Variants in DNM1 observed in about 807,000 individuals in gnomAD.
DNM1 encodes the protein dynamin-1.
In DNM1, 29 loss-of-function variants were observed where a neutral mutation model predicts 104.6. The observed-to-expected ratio is 0.28, with a 90% CI of 0.21 to 0.38. DNM1 has a LOEUF of 0.38. Among genes scored for constraint, DNM1 ranks in the 10% least tolerant of loss-of-function variants. The pLI, the probability that DNM1 is intolerant of heterozygous loss-of-function variation, is 1.00. For synonymous variants in DNM1, 445 were observed against 475.8 expected (o/e 0.94, Z 0.84); for missense variants, 640 against 1,189.4 (o/e 0.54, Z 6.79).
intron 15 of DNM1, 94 bp from the exon 16 acceptor site, chr9:128,246,300 A>G: frequency 1.1e-6 from 1 of 882,684 alleles, no homozygotes; most frequent in Non-Finnish European, 1.9e-6. Context: ...GCTGATGCTT[A>G]GAAGCCCTGG....
intron 11 of DNM1, among the ~76,000 whole-genome samples, 180 bp downstream of exon 11, chr9:128,234,287 A>T (rs1388797376): frequency 6.6e-6 from 1 of 152,200 alleles, no homozygotes; most frequent in East Asian, 1.9e-4. Flanking sequence ...TACACATAAC[A>T]TACCACTTTA....
At chr9:128,211,459 C>T (rs916130789) in intron 1 of DNM1, among the ~76,000 whole-genome samples, 2 of 148,004 alleles carry the variant, frequency 1.4e-5, no homozygotes, top group Non-Finnish European at 3.0e-5. Context: ...GCTGTTCTCT[C>T]GCCTGGAAGC....
intron 10 of DNM1, among the ~76,000 whole-genome samples, chr9:128,228,824 A>G (rs1230122957): frequency 6.6e-6 from 1 of 152,000 alleles, no homozygotes; most frequent in Non-Finnish European, 1.5e-5. Flanking sequence ...CTCTACTAAA[A>G]ATGCAAAAAT....
intron 10 of DNM1, among the ~76,000 whole-genome samples, chr9:128,229,960 C>T (rs1835577080): frequency 6.6e-6 from 1 of 150,988 alleles, no homozygotes; most frequent in African/African-American, 2.4e-5. Context: ...TGGCTCACAC[C>T]TGTAATCCCA....
chr9:128,243,569 C>T lies in DNM1; in HGVS notation c.1671+1224C>T, dbSNP rs1308314120. On this transcript the variant is annotated intron_variant, in intron 15 of 21. Transcript: ENST00000372923. The surrounding 1 kb of genome is among the most constrained non-coding windows in gnomAD (Gnocchi z 4.0). ...ACCTCATTACCCCAACCCTGGCCTC[C>T]CCCACCATGGGGGCCCCTGGAAGGG... Among the ~76,000 whole-genome samples the T allele has an allele frequency of 6.6e-6, 1 of 152,218 alleles. No individual in the cohort carries two copies. The highest frequency in any genetic ancestry group is 1.5e-5 in the Non-Finnish European group (1 of 68,030).
At position 128,254,256 on chromosome 9, in the gene DNM1, G is replaced by A; in HGVS notation, c.2535-398G>A. On this transcript the variant is annotated intron_variant, in intron 21 of 21. Transcript: ENST00000372923. This position sits in a 1 kb window ranked among gnomAD's most constrained non-coding sequence, Gnocchi z 6.1. ...TTCTCTATCAGGCCTGGTGGCTGTT[G>A]CATGGGGCTCCCCAAGGCAAGGGGT... 7.3e-7 allele frequency: 1 copy of A among 1,378,818 alleles called. No individual in the cohort carries two copies. Among genetic ancestry groups the A allele is most frequent in the Non-Finnish European group, 9.3e-7 (1 of 1,076,268 alleles). The allele number at this position is 1,378,818 out of a possible 1,614,324, so 85.4% of individuals were successfully genotyped here. A position where few individuals can be genotyped will look rare whatever the true frequency, so the allele number is the denominator to read the frequency against.
At chr9:128,217,886 G>T (rs1254318681) in intron 1 of DNM1, among the ~76,000 whole-genome samples, 2 of 152,182 alleles carry the variant, frequency 1.3e-5, no homozygotes, top group Non-Finnish European at 2.9e-5. Context: ...ACATAGGCAT[G>T]TGGGAGACCC....
chr9:128,226,594 T>G (rs1835356893), intron 10 of DNM1, among the ~76,000 whole-genome samples: 1 of 151,950 alleles, frequency 6.6e-6, no homozygotes, highest in South Asian at 2.1e-4. Context: ...TGTGATTCAG[T>G]TTTAGGAAGG....
At chr9:128,233,634 G>A (rs938404980) in intron 10 of DNM1, 3 of 226,488 alleles carry the variant, frequency 1.3e-5, no homozygotes, top group Non-Finnish European at 2.7e-5. Flanking sequence ...GAAGGCACAG[G>A]GTAGCCCTGA....
At position 128,243,017 on chromosome 9, in the gene DNM1, C is replaced by T. The variant is rs995485325; in HGVS notation, c.1671+672C>T. On this transcript the variant is annotated intron_variant, in intron 15 of 21. Coordinates refer to ENST00000372923, the MANE Select transcript of DNM1 (RefSeq NM_004408.4). This position sits in a 1 kb window ranked among gnomAD's most constrained non-coding sequence, Gnocchi z 4.0. Reference sequence around the variant, plus strand: ...CTCTGTGGCCCCCACAGGCCCATGACACACACAAGTCTAGCTGCCAGACAC... The same window carrying T: ...CTCTGTGGCCCCCACAGGCCCATGATACACACAAGTCTAGCTGCCAGACAC... Among the ~76,000 whole-genome samples, 2 of 152,152 alleles carry T rather than the reference C, an allele frequency of 1.3e-5. No homozygotes were observed. The highest frequency in any genetic ancestry group is 2.4e-5 in the African/African-American group (1 of 41,430).
intron 1 of DNM1, among the ~76,000 whole-genome samples, chr9:128,215,682 C>T (rs1374731807): frequency 6.6e-6 from 1 of 152,196 alleles, no homozygotes; most frequent in East Asian, 1.9e-4. Context: ...GACCTCCACC[C>T]CTCAGGCTCA....
Position 128,218,568 on chromosome 9 carries a change from C to T in DNM1, c.236-14C>T, listed in dbSNP as rs1350934496. The T allele has an allele frequency of 1.2e-6, 2 of 1,603,042 alleles. No homozygotes were observed. The highest frequency in any genetic ancestry group is 8.5e-7 in the Non-Finnish European group (1 of 1,172,158). On this transcript the variant is annotated splice_polypyrimidine_tract_variant and intron_variant, in intron 2 of 21. Transcript: ENST00000372923. This position sits in a 1 kb window ranked among gnomAD's most constrained non-coding sequence, Gnocchi z 4.8. ...TGATGCCTACTGCCCTTCCCCTGCC[C>T]GCTTCTGGAGCAGAATATGCCGAGT...
intron 1 of DNM1, among the ~76,000 whole-genome samples, chr9:128,217,230 T>A (rs1834664424): frequency 6.6e-6 from 1 of 151,784 alleles, no homozygotes; most frequent in South Asian, 2.1e-4. Flanking sequence ...CACTGCAGAG[T>A]CAAATATATC....
chr9:128,253,510 C>A lies in DNM1; in HGVS notation c.2535-1144C>A. On this transcript the variant is annotated intron_variant, in intron 21 of 21. Coordinates refer to ENST00000372923, the MANE Select transcript of DNM1 (RefSeq NM_004408.4). The surrounding 1 kb of genome is among the most constrained non-coding windows in gnomAD (Gnocchi z 5.9). ...TCGTGTGTGGGGCTGGACTCTGAGGCGGCCAGAGGCCTAGGAACGTTATCC... is the reference window on the plus strand; with the variant it reads ...TCGTGTGTGGGGCTGGACTCTGAGGAGGCCAGAGGCCTAGGAACGTTATCC... 3.4e-6 allele frequency: 1 copy of A among 293,574 alleles called. No homozygotes were observed. The highest frequency in any genetic ancestry group is 6.4e-6 in the Non-Finnish European group (1 of 155,566). 18.2% of individuals were successfully genotyped at this position (293,574 alleles called of 1,614,324 possible). A position where few individuals can be genotyped will look rare whatever the true frequency, so the allele number is the denominator to read the frequency against.
intron 10 of DNM1, chr9:128,226,275 C>T (rs538387393): frequency 7.2e-6 from 11 of 1,522,084 alleles, no homozygotes; most frequent in East Asian, 2.3e-5. Context: ...CACGGCTACC[C>T]GCAGGGACCC....
intron 21 of DNM1, chr9:128,252,569 A>T: frequency 2.6e-6 from 1 of 386,820 alleles, no homozygotes; most frequent in Non-Finnish European, 5.2e-6. Flanking sequence ...CAGAATGAGG[A>T]AGAGCTCTGT....
At chr9:128,213,331 C>T (rs1411981605) in intron 1 of DNM1, among the ~76,000 whole-genome samples, 4 of 152,218 alleles carry the variant, frequency 2.6e-5, no homozygotes, top group Non-Finnish European at 5.9e-5. Context: ...ATCCACCCAC[C>T]TCGGCCTCCC....
At position 128,220,116 on chromosome 9, in the gene DNM1, C is replaced by A. The variant is rs748829312; in HGVS notation, c.688+30C>A. On this transcript the variant is annotated intron_variant, in intron 5 of 21. Transcript: ENST00000372923. The surrounding 1 kb of genome is among the most constrained non-coding windows in gnomAD (Gnocchi z 5.2). ...GCAGGCCATGCCCCTCAACCACTCC[C>A]CAGCCCTTCCCCACCCTTCCCCTCC... 6.2e-7 allele frequency: 1 copy of A among 1,612,858 alleles called. No homozygotes were observed. The highest frequency in any genetic ancestry group is 8.5e-7 in the Non-Finnish European group (1 of 1,178,938).
At chr9:128,239,896 G>T in intron 13 of DNM1, 89 bp from the exon 14 acceptor site, 1 of 1,585,358 alleles carries the variant, frequency 6.3e-7, no homozygotes, top group Non-Finnish European at 8.7e-7. Context: ...CCTGTCAGCT[G>T]CCAGCCACAA....
Sources: gnomAD v4.1 joint callset for allele counts (sites outside exome capture counted in the v4.1 genomes callset) on GRCh38, gnomAD v4.1.1 for gene constraint, Gnocchi (gnomAD v3.1) non-coding constraint, MANE v1.5 for transcripts, NCBI Gene and HGNC (gene_info 2026-07-23, HGNC 2026-07-21) for gene names.